RBFOX1: variants seen among roughly 807,000 people sequenced by gnomAD.
RBFOX1 encodes the protein RNA binding fox-1 homolog 1, also known as RNA binding protein fox-1 homolog 1.
RBFOX1 carries 8 observed loss-of-function variants against 57.7 expected under a neutral mutation model. The observed-to-expected ratio is 0.14, with a 90% CI of 0.08 to 0.25. The LOEUF is 0.25. Among genes scored for constraint, RBFOX1 ranks in the 10% least tolerant of loss-of-function variants. The pLI is 1.00. For synonymous variants in RBFOX1, 326 were observed against 222.4 expected (o/e 1.47, Z -4.15); for missense variants, 611 against 548.5 (o/e 1.11, Z -1.14).
At chr16:6,975,089 C>G (rs1038388942) in intron 3 of RBFOX1, among the ~76,000 whole-genome samples, 1 of 152,074 alleles carries the variant, frequency 6.6e-6, no homozygotes, top group East Asian at 1.9e-4. Flanking sequence ...ACGGGAAAAC[C>G]TCAACAACAC....
intron 4 of RBFOX1, among the ~76,000 whole-genome samples, chr16:7,371,941 C>G (rs1167422131): frequency 6.6e-6 from 1 of 151,972 alleles, no homozygotes; most frequent in African/African-American, 2.4e-5. Flanking sequence ...TGTGACATAC[C>G]TTATTTAAGT....
At chr16:6,767,875 T>C (rs529252215) in intron 3 of RBFOX1, among the ~76,000 whole-genome samples, 63 of 149,422 alleles carry the variant, frequency 4.2e-4, no homozygotes, top group African/African-American at 1.4e-3. Context: ...GATCGCGCCA[T>C]TGCACTCCAG....
rs183409064 is a variant in RBFOX1, at chr16:6,285,830, A to G, written c.-126-31165A>G. On this transcript the variant is annotated intron_variant, in intron 1 of 15. Transcript: ENST00000550418. ...GCAGTGGAGACATCGGATCCCATCCAGAAGCATCTTATTTACATTGATGGC... is the reference window on the plus strand; with the variant it reads ...GCAGTGGAGACATCGGATCCCATCCGGAAGCATCTTATTTACATTGATGGC... Among the ~76,000 whole-genome samples, 16 of 152,304 alleles carry G rather than the reference A, an allele frequency of 1.1e-4. No individual in the cohort carries two copies. In the East Asian group the frequency reaches 2.9e-3, roughly 28 times the overall value.
chr16:6,998,573 G>C (rs1219004796), intron 3 of RBFOX1, among the ~76,000 whole-genome samples: 1 of 152,070 alleles, frequency 6.6e-6, no homozygotes, highest in African/African-American at 2.4e-5. Context: ...AACCAAAATA[G>C]GATTTTAATT....
chr16:6,335,374 G>A (rs530694267), intron 2 of RBFOX1, among the ~76,000 whole-genome samples: 2 of 152,290 alleles, frequency 1.3e-5, no homozygotes, highest in South Asian at 4.1e-4. Flanking sequence ...CCTCAGAGAA[G>A]AGAGCCAGGA....
rs546014786 is a variant in RBFOX1, at chr16:7,600,601, T to C, written c.622+3170T>C. Among the ~76,000 whole-genome samples, 7 of 152,308 alleles carry C rather than the reference T, an allele frequency of 4.6e-5. 1 individual carries two copies. In the East Asian group the frequency reaches 1.2e-3, roughly 25 times the overall value. On this transcript the variant is annotated intron_variant, in intron 9 of 15. Transcript: ENST00000550418. ...CTACATAATTCATTCTCACAAAGCA[T>C]AGAAATTGTACTTCAGCAAAATTAT...
intron 3 of RBFOX1, among the ~76,000 whole-genome samples, chr16:6,913,831 G>C (rs905369679): frequency 5.3e-5 from 8 of 152,190 alleles, no homozygotes; most frequent in African/African-American, 1.9e-4. Flanking sequence ...TCCCAGCCCT[G>C]CATGTGGCGT....
intron 4 of RBFOX1, among the ~76,000 whole-genome samples, chr16:7,438,308 T>C (rs1038259685): frequency 1.3e-5 from 2 of 152,206 alleles, no homozygotes; most frequent in Non-Finnish European, 2.9e-5. Context: ...GTAAAGTGGA[T>C]GTGAGGGGGT....
rs181271528 is a variant in RBFOX1, at chr16:6,494,466, A to G, written c.-63-160137A>G. 3.4e-3 allele frequency among the ~76,000 whole-genome samples: 525 copies of G among 152,350 alleles called. 3 individuals are homozygous for G. The highest frequency in any genetic ancestry group is 0.012 in the African/African-American group (497 of 41,586). On this transcript the variant is annotated intron_variant, in intron 2 of 15. Transcript: ENST00000550418. ...AAAAATGGTATATAAGTGAGATCAC[A>G]GAGTGCTTAGAGTTTTGGGATGGGC...
At chr16:6,993,205 T>G (rs2091780007) in intron 3 of RBFOX1, among the ~76,000 whole-genome samples, 1 of 151,024 alleles carries the variant, frequency 6.6e-6, no homozygotes, top group African/African-American at 2.4e-5. Context: ...TGAATGGTAT[T>G]GATAGCTGTG....
chr16:6,682,193 A>G (rs1197755608), intron 3 of RBFOX1, among the ~76,000 whole-genome samples: 1 of 152,206 alleles, frequency 6.6e-6, no homozygotes, highest in Non-Finnish European at 1.5e-5. Flanking sequence ...GGATTAGGGC[A>G]ATTAAAACAA....
At chr16:6,370,329 G>T (rs1185980372) in intron 2 of RBFOX1, among the ~76,000 whole-genome samples, 3 of 114,642 alleles carry the variant, frequency 2.6e-5, no homozygotes, top group African/African-American at 1.0e-4. Flanking sequence ...CTGCACTCTA[G>T]CCTGGGCGAC....
At chr16:6,586,003 T>G (rs556888283) in intron 2 of RBFOX1, among the ~76,000 whole-genome samples, 3 of 152,316 alleles carry the variant, frequency 2.0e-5, no homozygotes, top group African/African-American at 7.2e-5. Flanking sequence ...TGTTGCCCAA[T>G]AAGTGAAATA....
At chr16:7,710,268 A>G (rs2083778786) in intron 15 of RBFOX1, 1 of 1,107,006 alleles carries the variant, frequency 9.0e-7, no homozygotes, top group South Asian at 2.8e-5. Context: ...AATGTGTTGG[A>G]GAGTTGAATT....
chr16:5,582,987 T>C (rs1036095384), intron 2 of RBFOX1, among the ~76,000 whole-genome samples: 1 of 152,176 alleles, frequency 6.6e-6, no homozygotes, highest in Non-Finnish European at 1.5e-5. Context: ...AGACATTAAC[T>C]CATTTAACTT....
chr16:7,392,752 C>A (rs1329979024), intron 4 of RBFOX1, among the ~76,000 whole-genome samples: 1 of 152,146 alleles, frequency 6.6e-6, no homozygotes, highest in Non-Finnish European at 1.5e-5. Context: ...TTGGTCATTG[C>A]TGAATCTAAG....
chr16:6,412,787 C>T (rs575325437), intron 2 of RBFOX1, among the ~76,000 whole-genome samples: 2 of 152,264 alleles, frequency 1.3e-5, no homozygotes, highest in African/African-American at 4.8e-5. Context: ...ATTCAGTGAG[C>T]AAGAGTGTGG....
chr16:6,169,746 C>G (rs968142799), intron 1 of RBFOX1, among the ~76,000 whole-genome samples: 1 of 152,138 alleles, frequency 6.6e-6, no homozygotes, highest in African/African-American at 2.4e-5. Flanking sequence ...TTGTTACAGG[C>G]ACATGCTCCT....
intron 3 of RBFOX1, among the ~76,000 whole-genome samples, chr16:5,672,760 G>C (rs1049906384): frequency 1.3e-5 from 2 of 152,126 alleles, no homozygotes; most frequent in African/African-American, 4.8e-5. Context: ...TAATTTGTGT[G>C]GCTCACAAGC....
Sources: allele counts gnomAD v4.1 joint callset (sites outside exome capture counted in the v4.1 genomes callset), GRCh38; gene constraint gnomAD v4.1.1; transcripts MANE v1.5; gene names NCBI Gene and HGNC (gene_info 2026-07-23, HGNC 2026-07-21).